The following PLPPR1 variants were observed in gnomAD, a reference collection of about 807,000 sequenced individuals.
The protein encoded by PLPPR1 is phospholipid phosphatase related 1, also known as phospholipid phosphatase-related protein type 1.
Under a neutral mutation model 33.1 loss-of-function variants are expected in PLPPR1, and 10 were observed. The ratio of observed to expected loss-of-function variants is 0.30; its 90% CI spans 0.19 to 0.51. The LOEUF (loss-of-function observed/expected upper bound fraction) is 0.51. Ranked by LOEUF, PLPPR1 falls within the 20% of genes least tolerant of loss-of-function variation. The pLI is 0.97. For missense variants in PLPPR1, 304 were observed against 408.1 expected (o/e 0.74, Z 2.20); for synonymous variants, 151 against 151.0 (o/e 1.00, Z 0.00).
intron 1 of PLPPR1, among the ~76,000 whole-genome samples, chr9:101,038,352 A>AT (rs1055581398): frequency 1.3e-5 from 2 of 151,244 alleles, no homozygotes; most frequent in Non-Finnish European, 2.9e-5. Context: ...TTGAACAAAT[A>AT]TTTTTTCTGA....
intron 2 of PLPPR1, among the ~76,000 whole-genome samples, chr9:101,217,032 G>T (rs145599600): frequency 1.2e-4 from 18 of 152,222 alleles, no homozygotes; most frequent in African/African-American, 4.3e-4. Flanking sequence ...TTTACAATTG[G>T]AGTTGTGATT....
chr9:101,118,870 C>T (rs567669109), intron 1 of PLPPR1, among the ~76,000 whole-genome samples: 2 of 148,118 alleles, frequency 1.4e-5, no homozygotes, highest in African/African-American at 4.9e-5. Flanking sequence ...GACCCTATGT[C>T]TTTGACTTTG....
rs371621068 is a variant in PLPPR1 at position 101,296,499 on chromosome 9, T to C, written c.385+10263T>C. Reference sequence around the variant, plus strand: ...ATGCTGCTATAAAGACACATGCACATGTATGTTTATTGCGGCACTATTCAC... The same window carrying C: ...ATGCTGCTATAAAGACACATGCACACGTATGTTTATTGCGGCACTATTCAC... On this transcript the variant is annotated intron_variant, in intron 4 of 7. Coordinates refer to ENST00000374874, the MANE Select transcript of PLPPR1 (RefSeq NM_207299.2). 4.6e-5 allele frequency among the ~76,000 whole-genome samples: 7 copies of C among 151,902 alleles called. No individual in the cohort carries two copies. In the East Asian group the frequency reaches 9.6e-4, roughly 21 times the overall value.
At chr9:101,151,940 T>G (rs1181605967) in intron 1 of PLPPR1, among the ~76,000 whole-genome samples, 1 of 152,076 alleles carries the variant, frequency 6.6e-6, no homozygotes, top group Non-Finnish European at 1.5e-5. Flanking sequence ...GAAAATGAGA[T>G]TGTCTAGTTC....
intron 1 of PLPPR1, among the ~76,000 whole-genome samples, chr9:101,161,137 G>A (rs573384626): frequency 6.6e-6 from 1 of 152,224 alleles, no homozygotes; most frequent in South Asian, 2.1e-4. Context: ...CTGAATATAA[G>A]TATGATTTTC....
chr9:101,238,659 T>C (rs1827384905), intron 2 of PLPPR1, among the ~76,000 whole-genome samples: 1 of 151,438 alleles, frequency 6.6e-6, no homozygotes, highest in East Asian at 2.0e-4. Flanking sequence ...AGAGTGAGGG[T>C]TGAAAAATTA....
intron 3 of PLPPR1, among the ~76,000 whole-genome samples, chr9:101,270,924 G>A (rs1588105111): frequency 1.3e-5 from 2 of 151,866 alleles, no homozygotes; most frequent in African/African-American, 2.4e-5. Flanking sequence ...CCCTCTATTC[G>A]GCAGTAATAA....
At chr9:101,212,590 T>C (rs1240932899) in intron 2 of PLPPR1, among the ~76,000 whole-genome samples, 1 of 152,182 alleles carries the variant, frequency 6.6e-6, no homozygotes, top group Non-Finnish European at 1.5e-5. Flanking sequence ...CAATAATGAG[T>C]CCAGTGATCA....
intron 2 of PLPPR1, among the ~76,000 whole-genome samples, chr9:101,258,618 T>G (rs1417220426): frequency 6.6e-6 from 1 of 152,132 alleles, no homozygotes; most frequent in African/African-American, 2.4e-5. Flanking sequence ...ATAAGTAAAA[T>G]GCACAAGTCA....
intron 1 of PLPPR1, among the ~76,000 whole-genome samples, chr9:101,094,445 C>G (rs1830788777): frequency 6.6e-6 from 1 of 152,148 alleles, no homozygotes; most frequent in African/African-American, 2.4e-5. Context: ...CTCTCTGGAG[C>G]ACACCCACCT....
At chr9:101,177,350 G>T (rs1232427388) in intron 1 of PLPPR1, among the ~76,000 whole-genome samples, 1 of 152,014 alleles carries the variant, frequency 6.6e-6, no homozygotes, top group African/African-American at 2.4e-5. Context: ...CCTAAGTATT[G>T]TATTCTTTTT....
At chr9:101,286,815 T>C (rs955670503) in intron 4 of PLPPR1, among the ~76,000 whole-genome samples, 4 of 152,338 alleles carry the variant, frequency 2.6e-5, no homozygotes, top group East Asian at 1.9e-4. Context: ...ATTATAGATA[T>C]GGGAATAAAT....
intron 2 of PLPPR1, among the ~76,000 whole-genome samples, chr9:101,228,556 G>A (rs1448204908): frequency 6.6e-6 from 1 of 152,096 alleles, no homozygotes; most frequent in East Asian, 1.9e-4. Flanking sequence ...AAGGAATTAA[G>A]TATAGAGGGT....
intron 2 of PLPPR1, among the ~76,000 whole-genome samples, chr9:101,194,398 T>G (rs1460393850): frequency 6.6e-6 from 1 of 152,170 alleles, no homozygotes; most frequent in Non-Finnish European, 1.5e-5. Flanking sequence ...ATTTGATGCA[T>G]GTAGTTTTCT....
intron 7 of PLPPR1, among the ~76,000 whole-genome samples, chr9:101,323,594 C>A (rs931493429): frequency 7.2e-5 from 11 of 151,914 alleles, no homozygotes; most frequent in African/African-American, 2.7e-4. Flanking sequence ...AATCCCAGCA[C>A]TTTGGGAGGC....
rs145438024 is a variant in PLPPR1 at position 101,070,812 on chromosome 9, A to G, written c.-46+41710A>G. On this transcript the variant is annotated intron_variant, in intron 1 of 7. Coordinates refer to ENST00000374874, the MANE Select transcript of PLPPR1 (RefSeq NM_207299.2). ...ATCCCCACCCTAGAATGTAAATTCA[A>G]CGAGCGCACAGATTTTGTTTTTGTT... Among the ~76,000 whole-genome samples, 1,047 of 152,262 alleles carry G rather than the reference A, an allele frequency of 6.9e-3. 13 individuals are homozygous for G. Among genetic ancestry groups the G allele is most frequent in the African/African-American group, 0.024 (1,011 of 41,566 alleles).
intron 1 of PLPPR1, among the ~76,000 whole-genome samples, chr9:101,078,453 A>T (rs1049191449): frequency 6.6e-6 from 1 of 152,046 alleles, no homozygotes; most frequent in Non-Finnish European, 1.5e-5. Flanking sequence ...TAAGATTTTC[A>T]GTTTTTTGGG....
At chr9:101,247,526 G>A (rs1286852384) in intron 2 of PLPPR1, among the ~76,000 whole-genome samples, 3 of 152,052 alleles carry the variant, frequency 2.0e-5, no homozygotes, top group African/African-American at 7.2e-5. Flanking sequence ...AAGCATCTCT[G>A]GCTGGTGGTT....
intron 1 of PLPPR1, among the ~76,000 whole-genome samples, chr9:101,156,720 A>G (rs1831699063): frequency 6.6e-6 from 1 of 152,148 alleles, no homozygotes; most frequent in East Asian, 1.9e-4. Flanking sequence ...AATCAGAGAA[A>G]GGGAATACCT....
Sources: gnomAD v4.1 joint callset for allele counts (sites outside exome capture counted in the v4.1 genomes callset) on GRCh38, gnomAD v4.1.1 for gene constraint, MANE v1.5 for transcripts, NCBI Gene and HGNC (gene_info 2026-07-23, HGNC 2026-07-21) for gene names.